CR1: variants seen among roughly 807,000 people sequenced by gnomAD.
CR1 encodes the protein complement C3b/C4b receptor 1 (Knops blood group).
In CR1, 116 loss-of-function variants were observed where a neutral mutation model predicts 187.3. The ratio of observed to expected loss-of-function variants is 0.62; its 90% CI spans 0.53 to 0.72. The LOEUF is 0.72. Ranked by LOEUF, CR1 falls within the 30% of genes least tolerant of loss-of-function variation. The pLI is 0.00. For missense variants in CR1, 1,731 were observed against 2,110.7 expected, an observed-to-expected ratio of 0.82 and a Z score of 3.52; for synonymous variants, 576 against 747.1, an observed-to-expected ratio of 0.77 and a Z score of 3.73.
Position 207,639,984 on chromosome 1 carries a change from G to C in CR1, c.*575G>C, listed in dbSNP as rs1662933006. 1 of 152,196 alleles carries C rather than the reference G, an allele frequency of 6.6e-6. No homozygotes were observed. The highest frequency in any genetic ancestry group is 1.5e-5 in the Non-Finnish European group (1 of 68,106). The allele number at this position is 152,196 out of a possible 1,614,324, so 9.4% of individuals were successfully genotyped here. ...GAGCAGAACCCTAGTCTTTTAAACA[G>C]TTTAGAGTGAAATATATGCTATATC... is the stretch of plus-strand genomic sequence containing the variant. On this transcript the variant is annotated 3_prime_UTR_variant, in exon 47 of 47. Coordinates refer to ENST00000367049, the MANE Select transcript of CR1 (RefSeq NM_000651.6).
At chr1:207,556,648 C>CATAT (rs1404002868) in intron 19 of CR1, among the ~76,000 whole-genome samples, 7,873 of 37,838 alleles carry the variant, frequency 0.21, 1,185 homozygotes, top group Middle Eastern at 0.26. Context: ...TGATCTATAT[C>CATAT]ATATATATAT....
intron 45 of CR1, among the ~76,000 whole-genome samples, chr1:207,630,010 A>G (rs990181366): frequency 5.3e-5 from 8 of 152,264 alleles, no homozygotes; most frequent in African/African-American, 1.9e-4. Context: ...GATATTAAAA[A>G]GTGAGTAAAT....
At chr1:207,501,549 T>C (rs1468798628) in intron 1 of CR1, among the ~76,000 whole-genome samples, 2 of 152,244 alleles carry the variant, frequency 1.3e-5, no homozygotes, top group African/African-American at 4.8e-5. Context: ...GCTTTCTTTG[T>C]TGAAGGCTCA....
intron 46 of CR1, among the ~76,000 whole-genome samples, chr1:207,631,950 A>G (rs1662657384): frequency 6.6e-6 from 1 of 152,220 alleles, no homozygotes; most frequent in Non-Finnish European, 1.5e-5. Context: ...ACACCTACAT[A>G]CATCAGAAAT....
At chr1:207,592,933 G>T (rs1661316298) in intron 35 of CR1, among the ~76,000 whole-genome samples, 2 of 151,986 alleles carry the variant, frequency 1.3e-5, no homozygotes, top group African/African-American at 4.8e-5. Flanking sequence ...ACTGCTCAAG[G>T]AAGTAAGCGA....
rs567321267 is a variant in CR1, at chr1:207,595,534, C to A, written c.5810+6760C>A. ...TTAGCACCAAGCTTCCGTTCTGTAA[C>A]ACTAAGTAGTAGAAGTTAGTGTTTG... On this transcript the variant is annotated intron_variant, in intron 35 of 46. Transcript: ENST00000367049. Among the ~76,000 whole-genome samples, 7 of 152,158 alleles carry A rather than the reference C, an allele frequency of 4.6e-5. No individual in the cohort carries two copies. In the South Asian group the frequency reaches 1.5e-3, roughly 32 times the overall value.
chr1:207,520,276 T>C (rs375635477), intron 4 of CR1, among the ~76,000 whole-genome samples: 19 of 152,214 alleles, frequency 1.2e-4, no homozygotes, highest in African/African-American at 2.7e-4. Flanking sequence ...ACCACCTCTC[T>C]ATGGGACAGC....
intron 44 of CR1, among the ~76,000 whole-genome samples, chr1:207,622,228 C>T (rs982578359): frequency 6.6e-6 from 1 of 152,200 alleles, no homozygotes; most frequent in Non-Finnish European, 1.5e-5. Flanking sequence ...AGGCTCTTTA[C>T]TATCTTTGAA....
intron 25 of CR1, 103 bp downstream of exon 25, chr1:207,568,145 T>C: frequency 6.3e-7 from 1 of 1,596,836 alleles, no homozygotes; most frequent in Non-Finnish European, 8.5e-7. Context: ...ATGTATGCAT[T>C]TGCCACAATG....
At chr1:207,518,006 T>C (rs2102298563) in intron 4 of CR1, among the ~76,000 whole-genome samples, 1 of 152,302 alleles carries the variant, frequency 6.6e-6, no homozygotes, top group South Asian at 2.1e-4. Context: ...GATTTCTGCT[T>C]TAAGCTTTGT....
rs7527824 is a variant in CR1 at position 207,603,238 on chromosome 1, C to A, written c.5811-4013C>A. On this transcript the variant is annotated intron_variant, in intron 35 of 46. Transcript: ENST00000367049. Reference sequence around the variant, plus strand: ...CCACCTCTCAGTGTCTGGTAACCACCTTTCTACTCTCTACTTCTACGAGTT... The same window carrying A: ...CCACCTCTCAGTGTCTGGTAACCACATTTCTACTCTCTACTTCTACGAGTT... 7.7e-3 allele frequency among the ~76,000 whole-genome samples: 1,178 copies of A among 152,176 alleles called. 13 individuals are homozygous for A. The highest frequency in any genetic ancestry group is 0.026 in the African/African-American group (1,074 of 41,520).
intron 39 of CR1, among the ~76,000 whole-genome samples, chr1:207,612,869 C>T (rs1319436221): frequency 3.3e-5 from 5 of 152,220 alleles, no homozygotes; most frequent in African/African-American, 1.2e-4. Flanking sequence ...GTGCCCATGA[C>T]CCCAAAGCCC....
At chr1:207,618,021 A>T in intron 41 of CR1, 50 bp from the exon 42 acceptor site, 3 of 1,578,920 alleles carry the variant, frequency 1.9e-6, no homozygotes, top group Non-Finnish European at 2.6e-6. Flanking sequence ...TCATATGTCT[A>T]TGTTTAACTG....
intron 35 of CR1, among the ~76,000 whole-genome samples, chr1:207,593,988 C>T (rs1459925208): frequency 6.6e-6 from 1 of 152,178 alleles, no homozygotes; most frequent in Non-Finnish European, 1.5e-5. Context: ...AATAGAAATG[C>T]TTTTACACTG....
intron 43 of CR1, 117 bp downstream of exon 43, chr1:207,620,182 G>A: frequency 9.7e-7 from 1 of 1,026,482 alleles, no homozygotes; most frequent in South Asian, 1.9e-5. Flanking sequence ...GAGCTATAGA[G>A]TACAATATGA....
At chr1:207,576,267 G>A (rs1168578930) in intron 28 of CR1, among the ~76,000 whole-genome samples, 1 of 152,308 alleles carries the variant, frequency 6.6e-6, no homozygotes, top group African/African-American at 2.4e-5. Context: ...TTGGTGGCAG[G>A]ATAAGTGGGA....
intron 31 of CR1, among the ~76,000 whole-genome samples, chr1:207,581,307 C>T (rs929279273): frequency 9.0e-5 from 13 of 145,230 alleles, no homozygotes; most frequent in South Asian, 2.2e-4. Context: ...CATATGGACA[C>T]GTATATGTAT....
intron 45 of CR1, among the ~76,000 whole-genome samples, chr1:207,623,310 G>A (rs1662371367): frequency 6.6e-6 from 1 of 152,104 alleles, no homozygotes; most frequent in Admixed American, 6.6e-5. Flanking sequence ...GGCCAGGTAT[G>A]GTGACTCATG....
intron 46 of CR1, among the ~76,000 whole-genome samples, chr1:207,634,855 C>A (rs999586868): frequency 6.6e-6 from 1 of 152,160 alleles, no homozygotes; most frequent in Non-Finnish European, 1.5e-5. Flanking sequence ...TGGTGTAGAA[C>A]AACAGAATCA....
Sources: allele counts gnomAD v4.1 joint callset (sites outside exome capture counted in the v4.1 genomes callset), GRCh38; gene constraint gnomAD v4.1.1; transcripts MANE v1.5; gene names NCBI Gene and HGNC (gene_info 2026-07-23, HGNC 2026-07-21).